The following FAT3 variants were observed in gnomAD, a reference collection of about 807,000 sequenced individuals.
The protein encoded by FAT3 is protocadherin Fat 3.
In FAT3, 95 loss-of-function variants were observed where a neutral mutation model predicts 310.2. The observed-to-expected ratio is 0.31, with a 90% CI of 0.26 to 0.36. FAT3 has a LOEUF of 0.36. FAT3 is among the 10% of genes least tolerant of loss of function. The pLI, the probability that FAT3 is intolerant of heterozygous loss-of-function variation, is 1.00. For missense variants in FAT3, 5,408 were observed against 5,715.6 expected (o/e 0.95, Z 1.74); for synonymous variants, 2,314 against 2,192.9 (o/e 1.06, Z -1.54).
At chr11:92,547,127 C>A (rs766257181) in intron 3 of FAT3, among the ~76,000 whole-genome samples, 18 of 152,104 alleles carry the variant, frequency 1.2e-4, no homozygotes, top group Non-Finnish European at 1.9e-4. Context: ...GAAAGCAGGG[C>A]ATTGGCTTTG....
intron 3 of FAT3, among the ~76,000 whole-genome samples, chr11:92,580,051 A>C (rs1231589540): frequency 6.6e-6 from 1 of 152,076 alleles, no homozygotes; most frequent in Non-Finnish European, 1.5e-5. Flanking sequence ...TGAATTCTTT[A>C]AGGCATGTAA....
intron 1 of FAT3, chr11:92,336,144 G>A: frequency 1.8e-6 from 1 of 543,296 alleles, no homozygotes; most frequent in South Asian, 1.5e-5. Context: ...TCTGCAGTGG[G>A]CCCACTCTCG....
intron 3 of FAT3, among the ~76,000 whole-genome samples, chr11:92,600,078 A>C (rs1198244443): frequency 2.0e-5 from 3 of 152,028 alleles, no homozygotes; most frequent in African/African-American, 7.2e-5. Flanking sequence ...CCCCTCTATG[A>C]TCTGTGCCTT....
intron 3 of FAT3, among the ~76,000 whole-genome samples, chr11:92,689,057 G>A (rs1040718720): frequency 6.6e-6 from 1 of 152,164 alleles, no homozygotes; most frequent in Non-Finnish European, 1.5e-5. Context: ...CATGTAGTAT[G>A]TGCCAGGAAC....
intron 2 of FAT3, among the ~76,000 whole-genome samples, chr11:92,390,695 A>T (rs1949729026): frequency 6.6e-6 from 1 of 152,162 alleles, no homozygotes; most frequent in Admixed American, 6.5e-5. Context: ...AGTGAGAATG[A>T]CTATTCAAAA....
intron 3 of FAT3, among the ~76,000 whole-genome samples, chr11:92,559,131 A>AT (rs1019457250): frequency 2.6e-5 from 4 of 152,024 alleles, no homozygotes; most frequent in Admixed American, 6.6e-5. Flanking sequence ...GTGTGCATGT[A>AT]TTTTTTTGGT....
intron 2 of FAT3, among the ~76,000 whole-genome samples, chr11:92,442,111 A>ATATT (rs1453396603): frequency 3.5e-4 from 16 of 45,216 alleles, no homozygotes; most frequent in African/African-American, 7.3e-4. Context: ...ATATATATAT[A>ATATT]TTTTTTTTTT....
At chr11:92,235,083 A>AG (rs1196523624) in intron 1 of FAT3, among the ~76,000 whole-genome samples, 1 of 152,010 alleles carries the variant, frequency 6.6e-6, no homozygotes, top group Non-Finnish European at 1.5e-5. Flanking sequence ...AAAAAAAAAA[A>AG]AAAAATTCTG....
Position 92,844,425 on chromosome 11 carries a change from C to T in FAT3, c.11058C>T (p.Arg3686=). Residue 3686 remains arginine, a synonymous_variant, in exon 19 of 28, where the codon CGC becomes CGT. Transcript: ENST00000525166. ...AVLTQKQDSL[R]IISIQPVAGT... is the part of the protein sequence containing the mutation. ...TCACCCAGAAGCAGGACAGCCTGCGCATCATCAGCATCCAGCCCGTGGCAG... is the reference window on the plus strand; with the variant it reads ...TCACCCAGAAGCAGGACAGCCTGCGTATCATCAGCATCCAGCCCGTGGCAG... 6.2e-7 allele frequency: 1 copy of T among 1,613,994 alleles called. No homozygotes were observed. Among genetic ancestry groups the T allele is most frequent in the South Asian group, 1.1e-5 (1 of 91,084 alleles).
intron 1 of FAT3, among the ~76,000 whole-genome samples, chr11:92,249,628 T>C (rs1440128336): frequency 1.3e-5 from 2 of 152,118 alleles, no homozygotes. Context: ...CTGATACTCG[T>C]ATCACAGTAA....
rs1472194145 is a variant in FAT3, at chr11:92,468,196, G to A, written c.3293-56438G>A. ...AGTTTTCAGAGCTTTTGAGATTTTAGAATTGTGGATAGAGCATGGATTGTA... is the reference window on the plus strand; with the variant it reads ...AGTTTTCAGAGCTTTTGAGATTTTAAAATTGTGGATAGAGCATGGATTGTA... On this transcript the variant is annotated intron_variant, in intron 2 of 27. Transcript: ENST00000525166. Among the ~76,000 whole-genome samples, 4 of 152,266 alleles carry A rather than the reference G, an allele frequency of 2.6e-5. No homozygotes were observed. In the East Asian group the frequency reaches 5.8e-4, roughly 22 times the overall value.
chr11:92,577,644 T>C (rs986108125), intron 3 of FAT3, among the ~76,000 whole-genome samples: 1 of 152,096 alleles, frequency 6.6e-6, no homozygotes, highest in Admixed American at 6.6e-5. Flanking sequence ...TACTGTGCAG[T>C]AAGACTTTTA....
rs1040388603 is a variant in FAT3 at position 92,355,948 on chromosome 11, G to A, written c.3292+544G>A. On this transcript the variant is annotated intron_variant, in intron 2 of 27. Transcript: ENST00000525166. ...TGTAGCTCCATTAATATAAGGAGGTGTGCTTCTACAAATGTTTTCTTAATG... is the reference window on the plus strand; with the variant it reads ...TGTAGCTCCATTAATATAAGGAGGTATGCTTCTACAAATGTTTTCTTAATG... Among the ~76,000 whole-genome samples the A allele has an allele frequency of 2.0e-5, 3 of 152,132 alleles. 1 individual carries two copies. Among genetic ancestry groups the A allele is most frequent in the Non-Finnish European group, 1.5e-5 (1 of 68,038 alleles).
At chr11:92,308,628 C>T (rs528929952) in intron 1 of FAT3, among the ~76,000 whole-genome samples, 13 of 152,182 alleles carry the variant, frequency 8.5e-5, no homozygotes, top group Non-Finnish European at 1.5e-4. Flanking sequence ...TCATTAGAGC[C>T]CCTTGTGAGT....
At chr11:92,298,556 T>C (rs971030202) in intron 1 of FAT3, among the ~76,000 whole-genome samples, 1 of 152,148 alleles carries the variant, frequency 6.6e-6, no homozygotes, top group Non-Finnish European at 1.5e-5. Flanking sequence ...AAGGAAGAGA[T>C]GTTCTTCCTA....
chr11:92,343,365 T>C (rs1948321083), intron 1 of FAT3, among the ~76,000 whole-genome samples: 1 of 152,144 alleles, frequency 6.6e-6, no homozygotes, highest in Non-Finnish European at 1.5e-5. Flanking sequence ...TGATATCATA[T>C]CCCTGTAAAT....
intron 11 of FAT3, among the ~76,000 whole-genome samples, chr11:92,805,864 A>G (rs1947493724): frequency 6.6e-6 from 1 of 152,204 alleles, no homozygotes; most frequent in African/African-American, 2.4e-5. Context: ...TTAAATCACT[A>G]TTTATTCTTT....
chr11:92,799,455 G>C lies in FAT3; in HGVS notation c.6442G>C (p.Asp2148His). 6.2e-7 allele frequency: 1 copy of C among 1,613,666 alleles called. No individual in the cohort carries two copies. The highest frequency in any genetic ancestry group is 8.5e-7 in the Non-Finnish European group (1 of 1,179,788). Residue 2148 changes from aspartate to histidine, a missense_variant, in exon 10 of 28, where the codon GAC becomes CAC. This residue lies in a region of FAT3 where 4,588 missense variants were observed against 4,809.8 expected (regional missense o/e 0.95). Coordinates refer to ENST00000525166, the MANE Select transcript of FAT3 (RefSeq NM_001367949.2). ...NVILKEAFNSDLSNIEYGVTI... is the reference protein window; with the variant it reads ...NVILKEAFNSHLSNIEYGVTI... The stretch of plus-strand genomic sequence containing the variant: ...TATTTTAAAGGAAGCATTCAACTCT[G>C]ACTTGTCCAACATTGAGTATGGAGT...
chr11:92,256,405 T>C (rs1224516800), intron 1 of FAT3, among the ~76,000 whole-genome samples: 1 of 151,910 alleles, frequency 6.6e-6, no homozygotes, highest in Non-Finnish European at 1.5e-5. Flanking sequence ...TATATATATA[T>C]ATATGAAAAA....
Sources: allele counts gnomAD v4.1 joint callset (sites outside exome capture counted in the v4.1 genomes callset), GRCh38; gene constraint gnomAD v4.1.1; regional missense constraint gnomAD v4.1.1; transcripts MANE v1.5; gene names NCBI Gene and HGNC (gene_info 2026-07-23, HGNC 2026-07-21).